Variants in LARS2 observed in about 807,000 individuals in gnomAD.
LARS2 encodes leucyl-tRNA synthetase 2, mitochondrial.
Under a neutral mutation model 116.6 loss-of-function variants are expected in LARS2, and 81 were observed. The ratio of observed to expected loss-of-function variants is 0.69; its 90% CI spans 0.58 to 0.84. The LOEUF (loss-of-function observed/expected upper bound fraction) is 0.84, where lower values mean the gene tolerates loss of function less well. Ranked by LOEUF, LARS2 falls within the 40% of genes least tolerant of loss-of-function variation. The pLI, the probability that LARS2 is intolerant of heterozygous loss-of-function variation, is 0.00. For synonymous variants in LARS2, 396 were observed against 407.2 expected (o/e 0.97, Z 0.33); for missense variants, 968 against 1,114.5 (o/e 0.87, Z 1.87).
At chr3:45,408,029 A>T (rs1027401619) in intron 4 of LARS2, among the ~76,000 whole-genome samples, 1 of 152,238 alleles carries the variant, frequency 6.6e-6, no homozygotes, top group Non-Finnish European at 1.5e-5. Flanking sequence ...TACAACATAG[A>T]TAAGTCTGTA....
chr3:45,491,924 G>A, intron 13 of LARS2, 124 bp downstream of exon 13: 1 of 937,636 alleles, frequency 1.1e-6, no homozygotes, highest in Non-Finnish European at 1.6e-6. Context: ...CATGAGGCTG[G>A]AAAGAACACT....
intron 7 of LARS2, among the ~76,000 whole-genome samples, chr3:45,453,028 CTG>C (rs1699158922): frequency 6.6e-6 from 1 of 152,002 alleles, no homozygotes; most frequent in Non-Finnish European, 1.5e-5. Context: ...CTTTTTCTGT[CTG>C]TGATTTTATT....
intron 1 of LARS2, among the ~76,000 whole-genome samples, chr3:45,389,341 G>A (rs370247964): frequency 2.0e-5 from 3 of 152,036 alleles, no homozygotes; most frequent in African/African-American, 4.8e-5. Flanking sequence ...CACACACGCA[G>A]GGAAATGAAT....
intron 4 of LARS2, among the ~76,000 whole-genome samples, chr3:45,404,934 A>G (rs1698209049): frequency 6.6e-6 from 1 of 152,112 alleles, no homozygotes; most frequent in African/African-American, 2.4e-5. Context: ...CTTCTACCAT[A>G]AATCCATCCC....
intron 14 of LARS2, among the ~76,000 whole-genome samples, chr3:45,498,733 A>G (rs993810007): frequency 2.0e-5 from 3 of 152,236 alleles, no homozygotes; most frequent in Non-Finnish European, 2.9e-5. Flanking sequence ...GGCAACACAG[A>G]GGTCTGTCGC....
chr3:45,422,842 C>T (rs1698536914), intron 6 of LARS2, among the ~76,000 whole-genome samples: 1 of 151,988 alleles, frequency 6.6e-6, no homozygotes, highest in Non-Finnish European at 1.5e-5. Flanking sequence ...TTTATAGATA[C>T]AATTAATTGA....
intron 20 of LARS2, among the ~76,000 whole-genome samples, chr3:45,525,921 T>A (rs1484207820): frequency 6.6e-6 from 1 of 152,232 alleles, no homozygotes; most frequent in Non-Finnish European, 1.5e-5. Context: ...CCAGTCAGTG[T>A]CAGATGCCTC....
chr3:45,389,024 G>T (rs1697893248), intron 1 of LARS2: 1 of 152,090 alleles, frequency 6.6e-6, no homozygotes, highest in Non-Finnish European at 1.5e-5. Context: ...GCCTCTCTGG[G>T]GCCCACAGGT....
rs1326403023 is a variant in LARS2, at chr3:45,505,552, G to T, written c.1760+4973G>T. Among the ~76,000 whole-genome samples, 7 of 151,686 alleles carry T rather than the reference G, an allele frequency of 4.6e-5. 1 individual carries two copies. Among genetic ancestry groups the T allele is most frequent in the Admixed American group, 1.3e-4 (2 of 15,180 alleles). ...AAAAAAAAAAATTAATGAGCCAGGT[G>T]TGGTGGTGCACACTTGTAGTCCCAG... On this transcript the variant is annotated intron_variant, in intron 15 of 21. Transcript: ENST00000645846.
intron 6 of LARS2, among the ~76,000 whole-genome samples, chr3:45,439,614 A>G (rs1698871389): frequency 7.2e-6 from 1 of 138,584 alleles, no homozygotes; most frequent in Non-Finnish European, 1.6e-5. Flanking sequence ...TAAAGTTGTT[A>G]TTTCTAACTG....
chr3:45,477,159 A>G (rs368554386), intron 10 of LARS2, among the ~76,000 whole-genome samples: 4 of 152,310 alleles, frequency 2.6e-5, no homozygotes. Flanking sequence ...CTGACCTAGA[A>G]TCGGCATATC....
intron 8 of LARS2, among the ~76,000 whole-genome samples, chr3:45,461,763 A>G (rs1699330415): frequency 6.6e-6 from 1 of 152,206 alleles, no homozygotes; most frequent in Non-Finnish European, 1.5e-5. Flanking sequence ...AGAGCTTGGT[A>G]ATAAATTGGA....
At chr3:45,452,949 T>G (rs1446367864) in intron 7 of LARS2, among the ~76,000 whole-genome samples, 2 of 152,174 alleles carry the variant, frequency 1.3e-5, no homozygotes, top group Admixed American at 1.3e-4. Context: ...TTCCCATTTG[T>G]TGATGTATAG....
At position 45,448,244 on chromosome 3, in the gene LARS2, G is replaced by A. The variant is rs866210133; in HGVS notation, c.606+1264G>A. Among the ~76,000 whole-genome samples the A allele has an allele frequency of 9.3e-4, 142 of 152,180 alleles. 2 individuals carry two copies. Among genetic ancestry groups the A allele is most frequent in the Admixed American group, 1.6e-3 (25 of 15,286 alleles). ...CAAATATTGGCTTTTTGACTAAAACGAGATAGTGTTTATGAGGAAAAGACC... is the reference window on the plus strand; with the variant it reads ...CAAATATTGGCTTTTTGACTAAAACAAGATAGTGTTTATGAGGAAAAGACC... On this transcript the variant is annotated intron_variant, in intron 7 of 21. Coordinates refer to ENST00000645846, the MANE Select transcript of LARS2 (RefSeq NM_015340.4).
chr3:45,455,282 C>T (rs1699196620), intron 7 of LARS2, among the ~76,000 whole-genome samples: 1 of 150,320 alleles, frequency 6.7e-6, no homozygotes, highest in Non-Finnish European at 1.5e-5. Context: ...CCTATTTGTT[C>T]TTGCAATCTG....
chr3:45,515,854 A>G (rs563203729), intron 16 of LARS2, among the ~76,000 whole-genome samples: 18 of 152,374 alleles, frequency 1.2e-4, no homozygotes, highest in African/African-American at 4.1e-4. Context: ...GGCACAGGCC[A>G]TTATAACTGT....
intron 2 of LARS2, among the ~76,000 whole-genome samples, chr3:45,392,469 AT>A (rs771636912): frequency 6.6e-6 from 1 of 151,752 alleles, no homozygotes; most frequent in Non-Finnish European, 1.5e-5. Flanking sequence ...TAATTTTTGT[AT>A]TTTTAGTAGA....
chr3:45,540,742 A>G (rs116192117), intron 20 of LARS2, among the ~76,000 whole-genome samples: 1 of 123,360 alleles, frequency 8.1e-6, no homozygotes, highest in East Asian at 2.5e-4. Context: ...GCATGTATCT[A>G]TCTGTCTATC....
chr3:45,416,449 C>T (rs1001631401), intron 4 of LARS2, among the ~76,000 whole-genome samples: 1 of 151,982 alleles, frequency 6.6e-6, no homozygotes, highest in African/African-American at 2.4e-5. Flanking sequence ...TTCAGGCAAG[C>T]CGTGAGAAAG....
Sources: gnomAD v4.1 joint callset for allele counts (sites outside exome capture counted in the v4.1 genomes callset) on GRCh38, gnomAD v4.1.1 for gene constraint, MANE v1.5 for transcripts, NCBI Gene and HGNC (gene_info 2026-07-23, HGNC 2026-07-21) for gene names.